The following CLIP2 variants were observed in gnomAD, a reference collection of about 807,000 sequenced individuals.
The protein encoded by CLIP2 is CAP-Gly domain-containing linker protein 2.
A neutral mutation model predicts 111.7 loss-of-function variants in CLIP2; 41 were observed. The observed-to-expected ratio is 0.37, with a 90% CI of 0.29 to 0.48. CLIP2 has a LOEUF of 0.48. CLIP2 is among the 20% of genes least tolerant of loss of function. CLIP2 has a pLI of 0.99. For missense variants in CLIP2, 1,160 were observed against 1,422.1 expected (o/e 0.82, Z 2.96); for synonymous variants, 660 against 644.2 (o/e 1.02, Z -0.37).
intron 1 of CLIP2, among the ~76,000 whole-genome samples, chr7:74,316,491 T>G (rs1788776247): frequency 6.6e-6 from 1 of 151,954 alleles, no homozygotes; most frequent in Admixed American, 6.6e-5. Flanking sequence ...CCTCAAGCAA[T>G]CCTCCCACCT....
Position 74,400,516 on chromosome 7 carries a change from G to T in CLIP2, c.3027G>T (p.Lys1009Asn). 1 of 1,606,812 alleles carries T rather than the reference G, an allele frequency of 6.2e-7. No individual in the cohort carries two copies. Among genetic ancestry groups the T allele is most frequent in the Admixed American group, 1.7e-5 (1 of 58,596 alleles). ...TGGACCAGGCTCAGCAGGTGGAGAA[G>T]CTGATGGAGGCCATGAGGAGCTGCC... ...DALDQAQQVE[K>N]LMEAMRSCPD... The change falls in exon 15 of 17, where the codon AAG becomes AAT. Residue 1009 changes from lysine (K) to asparagine (N), a missense_variant. Coordinates refer to ENST00000223398, the MANE Select transcript of CLIP2 (RefSeq NM_003388.5).
chr7:74,300,413 A>T (rs1408310807), intron 1 of CLIP2, among the ~76,000 whole-genome samples: 1 of 151,246 alleles, frequency 6.6e-6, no homozygotes, highest in Non-Finnish European at 1.5e-5. Flanking sequence ...TTTTCTAGGG[A>T]TAATGGCTCC....
intron 10 of CLIP2, chr7:74,380,590 G>A (rs1258800643): frequency 1.6e-5 from 7 of 450,008 alleles, no homozygotes; most frequent in Non-Finnish European, 2.8e-5. Context: ...GCGGCCTTCA[G>A]CAGAGCTGGG....
At chr7:74,290,104 A>G (rs1787971274) in intron 1 of CLIP2, among the ~76,000 whole-genome samples, 1 of 152,170 alleles carries the variant, frequency 6.6e-6, no homozygotes, top group African/African-American at 2.4e-5. Context: ...GGGCAGAGCA[A>G]GACGGCTGGA....
At chr7:74,351,521 G>A (rs1250239559) in intron 3 of CLIP2, among the ~76,000 whole-genome samples, 1 of 151,824 alleles carries the variant, frequency 6.6e-6, no homozygotes, top group East Asian at 1.9e-4. Context: ...AAAGCTGTGG[G>A]AAGATGTGCT....
chr7:74,357,603 G>A, intron 6 of CLIP2, 126 bp downstream of exon 6: 1 of 790,370 alleles, frequency 1.3e-6, no homozygotes, highest in Non-Finnish European at 2.0e-6. Flanking sequence ...AGCAGTACCT[G>A]TCCCCCGCTT....
rs782315413 is a variant in CLIP2 at position 74,397,113 on chromosome 7, T to C, written c.2760T>C (p.Asn920=). ...TGCGGGTGTTGCTGCTGGAGGCCAA[T>C]CGTCACTCCCCAGGGCCGGAGAGGG... is the stretch of plus-strand genomic sequence containing the variant. ...NELRVLLLEA[N]RHSPGPERDL... The change falls in exon 14 of 17, where the codon AAT becomes AAC. Residue 920 remains asparagine (N), a synonymous_variant. Transcript: ENST00000223398. The C allele has an allele frequency of 1.9e-6, 3 of 1,613,736 alleles. No homozygotes were observed. Among genetic ancestry groups the C allele is most frequent in the Non-Finnish European group, 2.5e-6 (3 of 1,179,914 alleles).
intron 8 of CLIP2, among the ~76,000 whole-genome samples, chr7:74,367,863 G>A (rs1469415102): frequency 6.6e-6 from 1 of 152,090 alleles, no homozygotes; most frequent in Non-Finnish European, 1.5e-5. Flanking sequence ...GGTTGCTTGA[G>A]CCCAGGAGTT....
At chr7:74,367,779 C>T (rs781809856) in intron 8 of CLIP2, among the ~76,000 whole-genome samples, 2 of 152,138 alleles carry the variant, frequency 1.3e-5, no homozygotes, top group African/African-American at 2.4e-5. Context: ...ATATTGGCCC[C>T]CAAATCCACA....
At chr7:74,372,552 T>C (rs1293817356) in intron 8 of CLIP2, among the ~76,000 whole-genome samples, 1 of 151,834 alleles carries the variant, frequency 6.6e-6, no homozygotes, top group Admixed American at 6.6e-5. Context: ...GAGCAGATCC[T>C]TGATGAGGAC....
At chr7:74,312,658 T>G (rs1298042830) in intron 1 of CLIP2, among the ~76,000 whole-genome samples, 2 of 152,106 alleles carry the variant, frequency 1.3e-5, no homozygotes, top group Non-Finnish European at 2.9e-5. Flanking sequence ...GGAGCAGCCT[T>G]GTACCCCAGC....
chr7:74,324,816 G>A lies in CLIP2; in HGVS notation c.121+7149G>A, dbSNP rs1253761555. ...GCTTTTGTTCCTGTTCCAAGATCTTGAGAAAAAAAAAAAAAAAAAAAAGCC... is the reference window on the plus strand; with the variant it reads ...GCTTTTGTTCCTGTTCCAAGATCTTAAGAAAAAAAAAAAAAAAAAAAAGCC... On this transcript the variant is annotated intron_variant, in intron 2 of 16. Coordinates refer to ENST00000223398, the MANE Select transcript of CLIP2 (RefSeq NM_003388.5). Among the ~76,000 whole-genome samples, 15 of 83,938 alleles carry A rather than the reference G, an allele frequency of 1.8e-4. No individual in the cohort carries two copies. The Admixed American group carries it at 2.0e-3, about 11-fold the overall frequency. 55.1% of individuals were successfully genotyped at this position (83,938 alleles called of 152,430 possible).
At chr7:74,382,279 G>A (rs1377886587) in intron 11 of CLIP2, among the ~76,000 whole-genome samples, 2 of 145,476 alleles carry the variant, frequency 1.4e-5, no homozygotes, top group Admixed American at 7.1e-5. Context: ...TAGTAGAGAC[G>A]GGGTTTCTCC....
At chr7:74,348,422 G>A (rs1789865146) in intron 3 of CLIP2, among the ~76,000 whole-genome samples, 1 of 152,048 alleles carries the variant, frequency 6.6e-6, no homozygotes, top group East Asian at 1.9e-4. Flanking sequence ...TTGGGAGGCT[G>A]AGATGGGAGG....
rs556459926 is a variant in CLIP2 at position 74,384,603 on chromosome 7, G to A, written c.2480-1918G>A. Among the ~76,000 whole-genome samples the A allele has an allele frequency of 4.3e-4, 65 of 151,644 alleles. 1 individual carries two copies. Among genetic ancestry groups the A allele is most frequent in the African/African-American group, 1.4e-3 (60 of 41,400 alleles). On this transcript the variant is annotated intron_variant, in intron 11 of 16. Coordinates refer to ENST00000223398, the MANE Select transcript of CLIP2 (RefSeq NM_003388.5). ...TGGGATTAAAGGTGTGCGCCATCAC[G>A]CCTGGCTAATTTTTGTATTTTTAGT... is the stretch of plus-strand genomic sequence containing the variant.
chr7:74,344,947 C>T (rs943310343), intron 3 of CLIP2, among the ~76,000 whole-genome samples: 9 of 152,088 alleles, frequency 5.9e-5, no homozygotes, highest in African/African-American at 2.2e-4. Context: ...GGGATCTGGT[C>T]TGGAATCAAG....
At chr7:74,348,231 G>C (rs1376299727) in intron 3 of CLIP2, among the ~76,000 whole-genome samples, 1 of 152,040 alleles carries the variant, frequency 6.6e-6, no homozygotes, top group African/African-American at 2.4e-5. Flanking sequence ...CAGAAAAGAG[G>C]AATGGAGAAA....
intron 3 of CLIP2, among the ~76,000 whole-genome samples, chr7:74,341,121 C>T (rs113805064): frequency 8.0e-4 from 122 of 152,182 alleles, no homozygotes; most frequent in African/African-American, 2.7e-3. Context: ...TGTGATGCTG[C>T]GATGTGGTTT....
In CLIP2 at chr7:74,404,006, G is replaced by A. The variant is rs1045247366; in HGVS notation, c.*158G>A. Reference sequence around the variant, plus strand: ...ACCGCCGCGGACAATCCCCCACCCCGATCCCTCGCCAGACCAGGACGCTTC... The same window carrying A: ...ACCGCCGCGGACAATCCCCCACCCCAATCCCTCGCCAGACCAGGACGCTTC... On this transcript the variant is annotated 3_prime_UTR_variant, in exon 17 of 17. Transcript: ENST00000223398. 8.4e-5 allele frequency: 66 copies of A among 787,896 alleles called. No individual in the cohort carries two copies. The highest frequency in any genetic ancestry group is 2.7e-4 in the Middle Eastern group (1 of 3,678). The allele number at this position is 787,896 out of a possible 1,614,324, so 48.8% of individuals were successfully genotyped here.
Sources: gnomAD v4.1 joint callset for allele counts (sites outside exome capture counted in the v4.1 genomes callset) on GRCh38, gnomAD v4.1.1 for gene constraint, MANE v1.5 for transcripts, NCBI Gene and HGNC (gene_info 2026-07-23, HGNC 2026-07-21) for gene names.